DAW1: variants seen among roughly 807,000 people sequenced by gnomAD.
The protein encoded by DAW1 is dynein assembly factor with WD repeat domains 1.
A neutral mutation model predicts 56.5 loss-of-function variants in DAW1; 47 were observed. The observed-to-expected ratio is 0.83, with a 90% CI of 0.66 to 1.06. The LOEUF (loss-of-function observed/expected upper bound fraction) is 1.06. Ranked by LOEUF, DAW1 falls within the 50% of genes least tolerant of loss-of-function variation. The probability of loss-of-function intolerance (pLI) is 0.00; values close to 1 mark genes in which losing one functional copy is unlikely to be tolerated. For missense variants in DAW1, 505 were observed against 499.3 expected (o/e 1.01, Z -0.11); for synonymous variants, 190 against 179.0 (o/e 1.06, Z -0.49).
intron 1 of DAW1, among the ~76,000 whole-genome samples, chr2:227,882,875 C>T (rs1574649546): frequency 6.6e-6 from 1 of 152,186 alleles, no homozygotes; most frequent in South Asian, 2.1e-4. Context: ...TCCTTTCCTT[C>T]CACCATGATT....
At chr2:227,904,307 A>T (rs1691625580) in intron 7 of DAW1, among the ~76,000 whole-genome samples, 1 of 152,230 alleles carries the variant, frequency 6.6e-6, no homozygotes, top group African/African-American at 2.4e-5. Flanking sequence ...GAAGGAATCA[A>T]GGGATATATG....
At chr2:227,883,644 C>G (rs935660089) in intron 1 of DAW1, among the ~76,000 whole-genome samples, 23 of 152,174 alleles carry the variant, frequency 1.5e-4, no homozygotes, top group Non-Finnish European at 4.4e-5. Context: ...GTATCAGTGT[C>G]TGACTACATT....
chr2:227,910,922 A>G (rs1227926705), intron 10 of DAW1, among the ~76,000 whole-genome samples: 3 of 152,032 alleles, frequency 2.0e-5, no homozygotes, highest in Admixed American at 1.3e-4. Flanking sequence ...GTCATCACCC[A>G]GATACTTTTT....
chr2:227,912,143 T>C (rs1691840353), intron 10 of DAW1: 2 of 363,740 alleles, frequency 5.5e-6, no homozygotes, highest in Non-Finnish European at 1.1e-5. Flanking sequence ...GTACATTGTC[T>C]TTTCTGGAAC....
At chr2:227,889,830 G>A in intron 2 of DAW1, 26 bp from the exon 3 acceptor site, 1 of 1,531,662 alleles carries the variant, frequency 6.5e-7, no homozygotes. Context: ...TAAAATAAAA[G>A]AAACTCTTTT....
intron 1 of DAW1, among the ~76,000 whole-genome samples, chr2:227,871,953 CTG>C (rs926428151): frequency 3.9e-5 from 6 of 152,226 alleles, no homozygotes; most frequent in Admixed American, 3.9e-4. Flanking sequence ...TTTAGCTTGA[CTG>C]TGCATGTCAG....
Position 227,923,948 on chromosome 2 carries a change from A to G in DAW1, c.1228A>G (p.Thr410Ala), listed in dbSNP as rs754069188. 2 of 1,614,056 alleles carry G rather than the reference A, an allele frequency of 1.2e-6. No individual in the cohort carries two copies. Among genetic ancestry groups the G allele is most frequent in the East Asian group, 4.5e-5 (2 of 44,886 alleles). Reference protein sequence around the residue: ...NIVITGSKDNTCRIWR With the variant: ...NIVITGSKDNACRIWR ...TGTTTTATTAGGCAGCAAGGATAAT[A>G]CCTGTAGGATATGGCGTTGACTGAA... Residue 410 changes from threonine to alanine, a missense_variant, in exon 13 of 13, where the codon ACC becomes GCC. Coordinates refer to ENST00000309931, the MANE Select transcript of DAW1 (RefSeq NM_178821.3).
chr2:227,910,146 G>A (rs79994931), intron 10 of DAW1, among the ~76,000 whole-genome samples: 2,550 of 152,144 alleles, frequency 0.017, 72 homozygotes, highest in African/African-American at 0.058. Flanking sequence ...GATCATGTAT[G>A]ATGCTATATA....
At chr2:227,903,320 G>C (rs1052061755) in intron 7 of DAW1, among the ~76,000 whole-genome samples, 1 of 152,112 alleles carries the variant, frequency 6.6e-6, no homozygotes, top group Non-Finnish European at 1.5e-5. Context: ...ACTAACTTTA[G>C]TCTGCAAAAC....
chr2:227,893,671 T>TAAACAAAC (rs36070997), intron 4 of DAW1, 124 bp from the exon 5 acceptor site: 104 of 1,399,550 alleles, frequency 7.4e-5, no homozygotes, highest in East Asian at 6.9e-4. Context: ...GACTCCCTCT[T>TAAACAAAC]AAACAAACAA....
intron 10 of DAW1, among the ~76,000 whole-genome samples, chr2:227,916,585 C>G (rs565113530): frequency 8.5e-5 from 13 of 152,104 alleles, no homozygotes; most frequent in Non-Finnish European, 1.8e-4. Context: ...TACTATTTTG[C>G]ATCATCTTCT....
At chr2:227,918,719 C>G (rs866464659) in intron 10 of DAW1, 61 bp from the exon 11 acceptor site, 15 of 1,572,588 alleles carry the variant, frequency 9.5e-6, no homozygotes, top group Middle Eastern at 1.7e-4. Context: ...AATGCAAAGT[C>G]TTTTATCCAA....
intron 1 of DAW1, among the ~76,000 whole-genome samples, chr2:227,877,598 C>A (rs1424007416): frequency 6.6e-6 from 1 of 152,222 alleles, no homozygotes; most frequent in Non-Finnish European, 1.5e-5. Flanking sequence ...TCATGGAAGA[C>A]AATTTTTCCA....
chr2:227,872,375 A>G (rs1690776872), intron 1 of DAW1: 1 of 152,106 alleles, frequency 6.6e-6, no homozygotes. Context: ...TTGGATAGGA[A>G]GTGTCATAAA....
intron 10 of DAW1, among the ~76,000 whole-genome samples, chr2:227,915,366 A>G (rs539885440): frequency 6.6e-5 from 10 of 152,184 alleles, no homozygotes; most frequent in African/African-American, 2.2e-4. Context: ...TGTGTCATCA[A>G]CTTAAGTACT....
At position 227,895,205 on chromosome 2, in the gene DAW1, G is replaced by A. The variant is rs116283977; in HGVS notation, c.440+1288G>A. On this transcript the variant is annotated intron_variant, in intron 5 of 12. Coordinates refer to ENST00000309931, the MANE Select transcript of DAW1 (RefSeq NM_178821.3). Reference sequence around the variant, plus strand: ...ACTAGATATTGTAGAGGTTTGATACGATTTCTGAAAGACAGATGGTGAACT... The same window carrying A: ...ACTAGATATTGTAGAGGTTTGATACAATTTCTGAAAGACAGATGGTGAACT... 4.0e-3 allele frequency among the ~76,000 whole-genome samples: 610 copies of A among 152,290 alleles called. 4 individuals carry two copies. Among genetic ancestry groups the A allele is most frequent in the Non-Finnish European group, 6.6e-3 (448 of 68,022 alleles).
At chr2:227,896,632 AT>A (rs1691415713) in intron 5 of DAW1, among the ~76,000 whole-genome samples, 6 of 92,214 alleles carry the variant, frequency 6.5e-5, no homozygotes, top group African/African-American at 1.2e-4. Flanking sequence ...GTGTGTGTGT[AT>A]GAGAGAGAGA....
At position 227,921,502 on chromosome 2, in the gene DAW1, G is replaced by A; in HGVS notation, c.1154G>A (p.Gly385Glu). The A allele has an allele frequency of 6.2e-7, 1 of 1,613,688 alleles. No individual in the cohort carries two copies. The highest frequency in any genetic ancestry group is 2.2e-5 in the East Asian group (1 of 44,844). Residue 385 changes from glycine to glutamate, a missense_variant, in exon 12 of 13, where the codon GGG becomes GAG. Transcript: ENST00000309931. ...QTGQCLQVLE[G>E]HTDEIFSCAF... ...GGCCAGTGCCTCCAGGTTCTTGAGG[G>A]GCACACTGATGAAATCTTTTCATGT...
chr2:227,887,596 C>A (rs867391663), intron 2 of DAW1: 2 of 152,162 alleles, frequency 1.3e-5, no homozygotes, highest in African/African-American at 4.8e-5. Flanking sequence ...TTCTGCAAAA[C>A]CACAGATTTT....
Sources: gnomAD v4.1 joint callset for allele counts (sites outside exome capture counted in the v4.1 genomes callset) on GRCh38, gnomAD v4.1.1 for gene constraint, MANE v1.5 for transcripts, NCBI Gene and HGNC (gene_info 2026-07-23, HGNC 2026-07-21) for gene names.